RFFL: variants seen among roughly 807,000 people sequenced by gnomAD.
RFFL encodes ring finger and FYVE like domain containing E3 ubiquitin protein ligase.
In RFFL, 16 loss-of-function variants were observed where a neutral mutation model predicts 40.4. The observed-to-expected ratio is 0.40, with a 90% CI of 0.27 to 0.60. RFFL has a LOEUF of 0.60. Ranked by LOEUF, RFFL falls within the 20% of genes least tolerant of loss-of-function variation. The probability of loss-of-function intolerance (pLI) is 0.47; values close to 1 mark genes in which losing one functional copy is unlikely to be tolerated. For synonymous variants in RFFL, 154 were observed against 167.9 expected, an observed-to-expected ratio of 0.92 and a Z score of 0.64; for missense variants, 367 against 451.7, an observed-to-expected ratio of 0.81 and a Z score of 1.70.
chr17:35,026,580 G>A lies in RFFL; in HGVS notation c.-8-19C>T, dbSNP rs34806593. 4.9e-3 allele frequency: 7,795 copies of A among 1,605,672 alleles called. 328 individuals carry two copies. The African/African-American group carries it at 0.09, about 19-fold the overall frequency. On this transcript the variant is annotated intron_variant, in intron 1 of 6. Transcript: ENST00000394597. ...ATAAAATCTGGTGCAAGGGAGGAAA[G>A]GGGAAAAGGTCAGAGTTAAGACACA...
intron 1 of RFFL, among the ~76,000 whole-genome samples, chr17:35,038,171 C>T (rs2091136568): frequency 1.3e-5 from 2 of 151,834 alleles, no homozygotes; most frequent in African/African-American, 4.8e-5. Context: ...TGCCTATAAT[C>T]CCAGCTACTC....
chr17:35,016,559 A>G lies in RFFL; in HGVS notation c.697T>C (p.Phe233Leu). The stretch of plus-strand genomic sequence containing the variant: ...AGAGAGGCCCTTCGGCCTGGGACAA[A>G]GCTGTCCTCTGAGTCAATAGACTGC... ...ETQSIDSEDSFVPGRRASLSD... is the reference protein window; with the variant it reads ...ETQSIDSEDSLVPGRRASLSD... The change falls in exon 5 of 7, where the codon TTT (phenylalanine) becomes CTT (leucine). Residue 233 changes from phenylalanine to leucine, a missense_variant. Phe to Leu is a conservative substitution (Grantham distance 22). Coordinates refer to ENST00000394597, the MANE Select transcript of RFFL (RefSeq NM_001017368.2). 1 of 1,614,062 alleles carries G rather than the reference A, an allele frequency of 6.2e-7. No individual in the cohort carries two copies. Among genetic ancestry groups the G allele is most frequent in the Non-Finnish European group, 8.5e-7 (1 of 1,179,946 alleles).
At chr17:35,081,753 AT>A (rs2091404006) in intron 1 of RFFL, among the ~76,000 whole-genome samples, 1 of 152,198 alleles carries the variant, frequency 6.6e-6, no homozygotes, top group East Asian at 1.9e-4. Flanking sequence ...AACATCTAGT[AT>A]TTTAATTTTC....
intron 1 of RFFL, among the ~76,000 whole-genome samples, chr17:35,060,379 C>T (rs938934011): frequency 6.6e-6 from 1 of 152,146 alleles, no homozygotes; most frequent in African/African-American, 2.4e-5. Flanking sequence ...TTCTGTGGAA[C>T]CTGATAGAGT....
At chr17:35,017,015 G>A (rs1307174203) in intron 4 of RFFL, among the ~76,000 whole-genome samples, 3 of 151,974 alleles carry the variant, frequency 2.0e-5, no homozygotes, top group Non-Finnish European at 4.4e-5. Flanking sequence ...AAATATGGCC[G>A]CACATGAAAC....
At position 35,014,734 on chromosome 17, in the gene RFFL, A is replaced by G. The variant is rs1172220395; in HGVS notation, c.910+6T>C. On this transcript the variant is annotated splice_donor_region_variant and intron_variant, in intron 6 of 6. Transcript: ENST00000394597. ...AGCCCATTCCCAAACAGAAACAACT[A>G]CATACCGTTTTGGTCTTCGGCACCA... 1 of 1,613,376 alleles carries G rather than the reference A, an allele frequency of 6.2e-7. No homozygotes were observed. The highest frequency in any genetic ancestry group is 1.1e-5 in the South Asian group (1 of 91,070).
chr17:35,047,806 C>G, intron 1 of RFFL, among the ~76,000 whole-genome samples: 1 of 150,962 alleles, frequency 6.6e-6, no homozygotes. Context: ...GGCTGGAATG[C>G]AGTGGCGTGA....
chr17:35,085,035 T>C (rs564082351), intron 1 of RFFL, among the ~76,000 whole-genome samples: 48 of 152,298 alleles, frequency 3.2e-4, no homozygotes, highest in Admixed American at 1.7e-3. Flanking sequence ...AAGGTAATTC[T>C]CTGGTCATCA....
At position 35,009,425 on chromosome 17, in the gene RFFL, T is replaced by A. The variant is rs549097546; in HGVS notation, c.*2543A>T. ...ATCAGCAAAAGCTACGGAATAATTC[T>A]AAGAATTAGATGTTTCCATATCATT... is the stretch of plus-strand genomic sequence containing the variant. On this transcript the variant is annotated 3_prime_UTR_variant, in exon 7 of 7. Coordinates refer to ENST00000394597, the MANE Select transcript of RFFL (RefSeq NM_001017368.2). The A allele has an allele frequency of 5.9e-5, 9 of 152,308 alleles. No individual in the cohort carries two copies. Among genetic ancestry groups the A allele is most frequent in the African/African-American group, 2.2e-4 (9 of 41,568 alleles). The allele number at this position is 152,308 out of a possible 1,614,324, so 9.4% of individuals were successfully genotyped here. A position where few individuals can be genotyped will look rare whatever the true frequency, so the allele number is the denominator to read the frequency against.
Position 35,021,394 on chromosome 17 carries a change from C to T in RFFL, c.568G>A (p.Ala190Thr), listed in dbSNP as rs756670557. The change falls in exon 3 of 7, where the codon GCC (alanine) becomes ACC (threonine). Residue 190 changes from alanine to threonine, a missense_variant. Coordinates refer to ENST00000394597, the MANE Select transcript of RFFL (RefSeq NM_001017368.2). ...SSAQATSVPPAQVQENQQANG... is the reference protein window; with the variant it reads ...SSAQATSVPPTQVQENQQANG... ...ACCTGCTGATTCTCCTGAACCTGGG[C>T]TGGGGGAACAGAGGTGGCTTGTGCA... The T allele has an allele frequency of 2.6e-6, 4 of 1,522,260 alleles. No individual in the cohort carries two copies. The highest frequency in any genetic ancestry group is 3.5e-6 in the Non-Finnish European group (4 of 1,137,446). The allele number at this position is 1,522,260 out of a possible 1,614,324, so 94.3% of individuals were successfully genotyped here. A position where few individuals can be genotyped will look rare whatever the true frequency, so the allele number is the denominator to read the frequency against.
intron 1 of RFFL, among the ~76,000 whole-genome samples, chr17:35,087,294 T>C (rs1294750135): frequency 6.6e-6 from 1 of 151,344 alleles, no homozygotes; most frequent in Non-Finnish European, 1.5e-5. Flanking sequence ...AAGGCTGCAG[T>C]GAGCCATGAT....
chr17:35,037,802 T>C (rs1191983993), intron 1 of RFFL, among the ~76,000 whole-genome samples: 2 of 152,136 alleles, frequency 1.3e-5, no homozygotes, highest in African/African-American at 2.4e-5. Flanking sequence ...CTGTGGCCCA[T>C]CCCCTCTGAG....
At chr17:35,054,023 T>C (rs2091246007) in intron 1 of RFFL, among the ~76,000 whole-genome samples, 1 of 152,180 alleles carries the variant, frequency 6.6e-6, no homozygotes, top group Non-Finnish European at 1.5e-5. Flanking sequence ...GACGACACAG[T>C]GACCAAAATC....
intron 1 of RFFL, among the ~76,000 whole-genome samples, chr17:35,084,362 G>A (rs2142389590): frequency 6.6e-6 from 1 of 152,346 alleles, no homozygotes; most frequent in East Asian, 1.9e-4. Context: ...GGGAGGCCAA[G>A]GCGGGCAGAT....
chr17:35,022,518 G>A (rs913082010), intron 2 of RFFL, among the ~76,000 whole-genome samples: 2 of 152,176 alleles, frequency 1.3e-5, no homozygotes, highest in Non-Finnish European at 1.5e-5. Context: ...CAAAGCAACC[G>A]AGGCTTAGGG....
chr17:35,065,624 C>A (rs531049151), upstream of RFFL, among the ~76,000 whole-genome samples: 1 of 149,656 alleles, frequency 6.7e-6, no homozygotes, highest in Non-Finnish European at 1.5e-5. Flanking sequence ...CAGATACGAA[C>A]TATATAAAGA....
intron 1 of RFFL, among the ~76,000 whole-genome samples, chr17:35,054,232 T>C (rs1476062053): frequency 6.6e-6 from 1 of 152,222 alleles, no homozygotes; most frequent in Non-Finnish European, 1.5e-5. Flanking sequence ...TACACCATCT[T>C]ATCCATTTTT....
At chr17:35,074,866 T>G (rs2091368422) in intron 1 of RFFL, among the ~76,000 whole-genome samples, 1 of 152,194 alleles carries the variant, frequency 6.6e-6, no homozygotes, top group Admixed American at 6.5e-5. Context: ...GAAGAATGCA[T>G]ACAATTTCAT....
chr17:35,024,884 T>C (rs867671449), intron 2 of RFFL, among the ~76,000 whole-genome samples: 11 of 152,210 alleles, frequency 7.2e-5, no homozygotes, highest in African/African-American at 1.9e-4. Context: ...TCACTGTAAA[T>C]TGCACAAAAT....
Sources: gnomAD v4.1 joint callset for allele counts (sites outside exome capture counted in the v4.1 genomes callset) on GRCh38, gnomAD v4.1.1 for gene constraint, MANE v1.5 for transcripts, NCBI Gene and HGNC (gene_info 2026-07-23, HGNC 2026-07-21) for gene names.